The following TENM4 variants were observed in gnomAD, a reference collection of about 807,000 sequenced individuals.
TENM4 encodes the protein teneurin transmembrane protein 4.
A neutral mutation model predicts 243.3 loss-of-function variants in TENM4; 82 were observed. The ratio of observed to expected loss-of-function variants is 0.34; its 90% CI spans 0.28 to 0.40. TENM4 has a LOEUF of 0.40. Among genes scored for constraint, TENM4 ranks in the 10% least tolerant of loss-of-function variants. The pLI is 1.00. For missense variants in TENM4, 3,138 were observed against 3,673.3 expected, an observed-to-expected ratio of 0.85 and a Z score of 3.77; for synonymous variants, 1,412 against 1,456.3, an observed-to-expected ratio of 0.97 and a Z score of 0.69.
rs529232079 is a variant in TENM4 at position 79,272,978 on chromosome 11, T to C, written c.-265+24510A>G. Among the ~76,000 whole-genome samples the C allele has an allele frequency of 2.0e-5, 3 of 152,310 alleles. No homozygotes were observed. The East Asian group carries it at 5.8e-4, about 29-fold the overall frequency. ...AAAACATCCTTTAGGCCCTGGACAT[T>C]GATCTGCTCAGGGATGGTCCTAAGA... On this transcript the variant is annotated intron_variant, in intron 2 of 33. Transcript: ENST00000278550.
chr11:79,178,616 C>A (rs145142408), intron 3 of TENM4, among the ~76,000 whole-genome samples: 3 of 152,274 alleles, frequency 2.0e-5, no homozygotes, highest in Admixed American at 6.5e-5. Flanking sequence ...TGAGCAAGGA[C>A]CACTGCATAT....
chr11:78,754,294 G>A (rs186173823), intron 19 of TENM4, among the ~76,000 whole-genome samples: 1 of 152,310 alleles, frequency 6.6e-6, no homozygotes, highest in Non-Finnish European at 1.5e-5. Flanking sequence ...CCCCAGCACA[G>A]GCTTCTCAAA....
chr11:79,080,581 C>G (rs1408226957), intron 4 of TENM4, among the ~76,000 whole-genome samples: 1 of 152,176 alleles, frequency 6.6e-6, no homozygotes, highest in Non-Finnish European at 1.5e-5. Context: ...GCCTGAATGT[C>G]CCCCCTGCAC....
At chr11:79,323,452 G>C (rs370577910) in intron 1 of TENM4, among the ~76,000 whole-genome samples, 10 of 152,322 alleles carry the variant, frequency 6.6e-5, no homozygotes, top group African/African-American at 2.4e-4. Context: ...GGACTCAGCA[G>C]CAAACTGGGC....
chr11:79,050,955 C>T (rs1373534484), intron 6 of TENM4, among the ~76,000 whole-genome samples: 1 of 152,126 alleles, frequency 6.6e-6, no homozygotes, highest in Non-Finnish European at 1.5e-5. Context: ...TGACCAGCTG[C>T]CAGAGAGAGT....
chr11:79,061,516 T>G (rs1223771542), intron 6 of TENM4, among the ~76,000 whole-genome samples: 2 of 152,212 alleles, frequency 1.3e-5, no homozygotes, highest in African/African-American at 4.8e-5. Flanking sequence ...TGTCCCACTA[T>G]CAAAGGCTGA....
chr11:79,254,166 A>G (rs908243054), intron 2 of TENM4, among the ~76,000 whole-genome samples: 1 of 152,194 alleles, frequency 6.6e-6, no homozygotes, highest in Non-Finnish European at 1.5e-5. Flanking sequence ...CATTTATTCT[A>G]TTATTAGAAA....
chr11:79,144,087 C>A (rs896612811), intron 4 of TENM4, among the ~76,000 whole-genome samples: 7 of 151,944 alleles, frequency 4.6e-5, no homozygotes, highest in African/African-American at 1.2e-4. Flanking sequence ...ATATAAGGAC[C>A]TAAGGCAACT....
chr11:78,710,957 G>A (rs1859383152), intron 26 of TENM4, among the ~76,000 whole-genome samples: 1 of 152,214 alleles, frequency 6.6e-6, no homozygotes. Flanking sequence ...AGAGTAGAAT[G>A]TTGTGGCTGC....
At chr11:79,064,071 C>G (rs1389707448) in intron 6 of TENM4, among the ~76,000 whole-genome samples, 1 of 123,934 alleles carries the variant, frequency 8.1e-6, no homozygotes, top group Non-Finnish European at 1.9e-5. Context: ...TAACATATCT[C>G]TCATCTCACA....
chr11:79,103,212 G>A (rs1264005553), intron 4 of TENM4, among the ~76,000 whole-genome samples: 1 of 152,080 alleles, frequency 6.6e-6, no homozygotes, highest in African/African-American at 2.4e-5. Context: ...AAGGAGGGTG[G>A]GGATGCCCCC....
intron 2 of TENM4, among the ~76,000 whole-genome samples, chr11:79,228,367 GCCCA>G (rs1864311476): frequency 6.6e-6 from 1 of 152,084 alleles, no homozygotes; most frequent in Non-Finnish European, 1.5e-5. Context: ...GACCAATGTC[GCCCA>G]CAGGAACTGA....
intron 1 of TENM4, among the ~76,000 whole-genome samples, chr11:79,366,203 G>A (rs377703663): frequency 6.6e-6 from 1 of 152,172 alleles, no homozygotes; most frequent in African/African-American, 2.4e-5. Flanking sequence ...GGTTTCCACC[G>A]ATGACTCAGG....
At chr11:78,806,341 C>G (rs1399050497) in intron 14 of TENM4, among the ~76,000 whole-genome samples, 1 of 152,062 alleles carries the variant, frequency 6.6e-6, no homozygotes, top group Non-Finnish European at 1.5e-5. Flanking sequence ...ATTCACTTTC[C>G]TGAGGGCAAA....
At chr11:78,995,160 G>C (rs1858141410) in intron 6 of TENM4, among the ~76,000 whole-genome samples, 1 of 152,280 alleles carries the variant, frequency 6.6e-6, no homozygotes, top group African/African-American at 2.4e-5. Flanking sequence ...AAGGAATAGA[G>C]TGAGGCCCTC....
intron 1 of TENM4, among the ~76,000 whole-genome samples, chr11:79,396,209 T>A (rs1858340815): frequency 6.6e-6 from 1 of 152,132 alleles, no homozygotes; most frequent in South Asian, 2.1e-4. Flanking sequence ...TTCCAACCAC[T>A]CCAACTGTAT....
intron 4 of TENM4, among the ~76,000 whole-genome samples, chr11:79,111,687 G>A (rs977902632): frequency 6.6e-6 from 1 of 152,214 alleles, no homozygotes; most frequent in Non-Finnish European, 1.5e-5. Context: ...CCTGTGCTGG[G>A]CACAGGGGAC....
chr11:78,654,843 A>T lies in TENM4; in HGVS notation c.*3215T>A, dbSNP rs1413419032. 2 of 152,264 alleles carry T rather than the reference A, an allele frequency of 1.3e-5. No homozygotes were observed. Among genetic ancestry groups the T allele is most frequent in the Non-Finnish European group, 2.9e-5 (2 of 68,088 alleles). The allele number at this position is 152,264 out of a possible 1,614,324, so 9.4% of individuals were successfully genotyped here. A position where few individuals can be genotyped will look rare whatever the true frequency, so the allele number is the denominator to read the frequency against. ...TAAAAAGGAAATCTCATCCTACAAA[A>T]AAACAAAGTTGGGGAATCAGTAAAG... On this transcript the variant is annotated 3_prime_UTR_variant, in exon 34 of 34. Coordinates refer to ENST00000278550, the MANE Select transcript of TENM4 (RefSeq NM_001098816.3).
chr11:79,120,762 G>A (rs12275464), intron 4 of TENM4, among the ~76,000 whole-genome samples: 23,431 of 152,186 alleles, frequency 0.15, 2,207 homozygotes, highest in Middle Eastern at 0.19. Context: ...ACAAAGTATG[G>A]TTTCATGAAT....
Sources: gnomAD v4.1 joint callset for allele counts (sites outside exome capture counted in the v4.1 genomes callset) on GRCh38, gnomAD v4.1.1 for gene constraint, MANE v1.5 for transcripts, NCBI Gene and HGNC (gene_info 2026-07-23, HGNC 2026-07-21) for gene names.